KYNU: variants seen among roughly 807,000 people sequenced by gnomAD.
KYNU encodes L-kynurenine hydrolase.
Under a neutral mutation model 59.2 loss-of-function variants are expected in KYNU, and 54 were observed. That is an observed-to-expected ratio of 0.91 (90% CI 0.73 to 1.14). The LOEUF (loss-of-function observed/expected upper bound fraction) is 1.14. Ranked by LOEUF, KYNU falls within the 50% of genes most tolerant of loss-of-function variation. The pLI is 0.00. For missense variants in KYNU, 567 were observed against 554.4 expected (o/e 1.02, Z -0.23); for synonymous variants, 177 against 192.0 (o/e 0.92, Z 0.65).
chr2:142,882,564 G>A (rs1471107014), intron 1 of KYNU, among the ~76,000 whole-genome samples: 1 of 152,160 alleles, frequency 6.6e-6, no homozygotes, highest in Non-Finnish European at 1.5e-5. Flanking sequence ...CCACCTGTGA[G>A]TGAGAACATG....
chr2:142,878,983 T>G (rs1681196773), intron 1 of KYNU, among the ~76,000 whole-genome samples: 1 of 152,184 alleles, frequency 6.6e-6, no homozygotes, highest in Non-Finnish European at 1.5e-5. Context: ...TCCCCCGTCT[T>G]GATAAAATTA....
intron 13 of KYNU, 68 bp downstream of exon 13, chr2:143,040,726 CTT>C: frequency 3.0e-6 from 3 of 985,162 alleles, no homozygotes; most frequent in South Asian, 3.3e-5. Context: ...AATTTGGACT[CTT>C]TGGTTTATTC....
chr2:142,973,263 G>A (rs920487801), intron 8 of KYNU, among the ~76,000 whole-genome samples: 1 of 151,960 alleles, frequency 6.6e-6, no homozygotes, highest in Admixed American at 6.6e-5. Context: ...TCTCTCTTGA[G>A]AATATTGAAA....
chr2:143,029,862 A>G (rs1048144565), intron 11 of KYNU, among the ~76,000 whole-genome samples, 183 bp downstream of exon 11: 9 of 152,200 alleles, frequency 5.9e-5, no homozygotes, highest in African/African-American at 1.9e-4. Context: ...AGATTTTAGC[A>G]TGATTTTGAG....
Position 143,055,632 on chromosome 2 carries a change from C to CAGGAAGGAAGGAAGGAAGGAAGGA in KYNU, c.*13490_*13513dup, listed in dbSNP as rs142416239. The CAGGAAGGAAGGAAGGAAGGAAGGA allele has an allele frequency of 1.5e-5, 2 of 133,206 alleles. No homozygotes were observed. Among genetic ancestry groups the CAGGAAGGAAGGAAGGAAGGAAGGA allele is most frequent in the East Asian group, 2.2e-4 (1 of 4,632 alleles). The allele number at this position is 133,206 out of a possible 1,614,324, so 8.3% of individuals were successfully genotyped here. A position where few individuals can be genotyped will look rare whatever the true frequency, so the allele number is the denominator to read the frequency against. On this transcript the variant is annotated 3_prime_UTR_variant, in exon 14 of 14. Transcript: ENST00000264170. The stretch of plus-strand genomic sequence containing the variant: ...TTGAGGGTCATTAGTCATCTTACCA[C>CAGGAAGGAAGGAAGGAAGGAAGGA]AGGAAGGAAGGAAGGAAGGAAGGAA...
intron 9 of KYNU, 120 bp from the exon 10 acceptor site, chr2:142,985,828 A>C: frequency 4.4e-6 from 3 of 674,556 alleles, no homozygotes; most frequent in Non-Finnish European, 8.0e-6. Context: ...TACACAAATA[A>C]TCACACATTT....
chr2:142,907,837 C>T (rs1682352522), intron 2 of KYNU, among the ~76,000 whole-genome samples: 1 of 152,174 alleles, frequency 6.6e-6, no homozygotes, highest in Non-Finnish European at 1.5e-5. Flanking sequence ...GTGTGGTCAC[C>T]TTCCCCAGCT....
intron 2 of KYNU, among the ~76,000 whole-genome samples, chr2:142,887,031 G>C (rs1185771791): frequency 6.6e-6 from 1 of 152,016 alleles, no homozygotes; most frequent in African/African-American, 2.4e-5. Flanking sequence ...TTAGCCGGGC[G>C]TAGTGGCGGG....
rs1687323691 is a variant in KYNU at position 143,054,703 on chromosome 2, G to A, written c.*12531G>A. The stretch of plus-strand genomic sequence containing the variant: ...GTTTATAAAAAGTATGAAGAATAGA[G>A]GGGCAATTAAATGATACCATAAAGA... On this transcript the variant is annotated 3_prime_UTR_variant, in exon 14 of 14. Transcript: ENST00000264170. 6.6e-6 allele frequency: 1 copy of A among 152,126 alleles called. No individual in the cohort carries two copies. The highest frequency in any genetic ancestry group is 2.4e-5 in the African/African-American group (1 of 41,424). 9.4% of individuals were successfully genotyped at this position (152,126 alleles called of 1,614,324 possible). A position where few individuals can be genotyped will look rare whatever the true frequency, so the allele number is the denominator to read the frequency against.
intron 10 of KYNU, among the ~76,000 whole-genome samples, chr2:142,998,631 G>C (rs1303262196): frequency 1.3e-5 from 2 of 152,224 alleles, no homozygotes; most frequent in South Asian, 4.1e-4. Flanking sequence ...TTGAAGAAAG[G>C]CAACTCCTTA....
At chr2:143,014,426 A>G (rs2105208377) in intron 10 of KYNU, among the ~76,000 whole-genome samples, 1 of 152,246 alleles carries the variant, frequency 6.6e-6, no homozygotes, top group African/African-American at 2.4e-5. Context: ...TTGTTTCTTC[A>G]GTTTTCTTTT....
At position 143,053,940 on chromosome 2, in the gene KYNU, T is replaced by C. The variant is rs2104937134; in HGVS notation, c.*11768T>C. The C allele has an allele frequency of 6.6e-6, 1 of 152,298 alleles. No individual in the cohort carries two copies. The highest frequency in any genetic ancestry group is 1.9e-4 in the East Asian group (1 of 5,196). The allele number at this position is 152,298 out of a possible 1,614,324, so 9.4% of individuals were successfully genotyped here. On this transcript the variant is annotated 3_prime_UTR_variant, in exon 14 of 14. Transcript: ENST00000264170. ...GGGTTGAATGATATCTCCAGGTATA[T>C]CATGTCAGAATTGAATTCAATTAGA...
chr2:142,994,063 C>T (rs766534224), intron 10 of KYNU, among the ~76,000 whole-genome samples: 1 of 152,000 alleles, frequency 6.6e-6, no homozygotes, highest in Non-Finnish European at 1.5e-5. Flanking sequence ...CCTAAAGTAA[C>T]CTTTGAAATC....
At chr2:142,984,113 T>C (rs932752979) in intron 8 of KYNU, among the ~76,000 whole-genome samples, 3 of 152,062 alleles carry the variant, frequency 2.0e-5, no homozygotes, top group Non-Finnish European at 4.4e-5. Context: ...TACTTTATTA[T>C]ATTAAAATTC....
intron 1 of KYNU, among the ~76,000 whole-genome samples, chr2:142,884,822 T>C (rs1681442113): frequency 6.7e-6 from 1 of 148,792 alleles, no homozygotes; most frequent in South Asian, 2.2e-4. Flanking sequence ...TTCTCCTGCC[T>C]CAGCCTCCCT....
At chr2:143,018,730 C>A (rs774834493) in intron 10 of KYNU, among the ~76,000 whole-genome samples, 2 of 152,048 alleles carry the variant, frequency 1.3e-5, no homozygotes, top group Non-Finnish European at 2.9e-5. Context: ...TTGCTTTGAA[C>A]GGTATAGTCA....
chr2:142,881,909 C>CTTTT (rs1222437103), intron 1 of KYNU, among the ~76,000 whole-genome samples: 1,284 of 124,336 alleles, frequency 0.01, 99 homozygotes, highest in African/African-American at 0.037. Flanking sequence ...CTTTTCTTTT[C>CTTTT]TTTTTTCTTT....
chr2:143,026,050 T>G (rs2104908351), intron 10 of KYNU, among the ~76,000 whole-genome samples: 1 of 152,328 alleles, frequency 6.6e-6, no homozygotes, highest in African/African-American at 2.4e-5. Flanking sequence ...GAAACTTTCT[T>G]TGATGCAACA....
intron 10 of KYNU, among the ~76,000 whole-genome samples, chr2:143,003,342 T>C (rs944541320): frequency 6.6e-6 from 1 of 152,048 alleles, no homozygotes; most frequent in African/African-American, 2.4e-5. Context: ...GGCAGGGGAA[T>C]CACCTGAGGT....
Sources: allele counts gnomAD v4.1 joint callset (sites outside exome capture counted in the v4.1 genomes callset), GRCh38; gene constraint gnomAD v4.1.1; transcripts MANE v1.5; gene names NCBI Gene and HGNC (gene_info 2026-07-23, HGNC 2026-07-21).